The following TANK variants were observed in gnomAD, a reference collection of about 807,000 sequenced individuals.
The protein encoded by TANK is TRAF family member associated NFKB activator, also known as TRAF family member-associated NF-kappa-B activator.
In TANK, 15 loss-of-function variants were observed where a neutral mutation model predicts 43.6. The observed-to-expected ratio is 0.34, with a 90% CI of 0.23 to 0.53. The LOEUF is 0.53. Ranked by LOEUF, TANK falls within the 20% of genes least tolerant of loss-of-function variation. The probability of loss-of-function intolerance (pLI) is 0.94; values close to 1 mark genes in which losing one functional copy is unlikely to be tolerated. For missense variants in TANK, 417 were observed against 498.6 expected (o/e 0.84, Z 1.56); for synonymous variants, 162 against 178.2 (o/e 0.91, Z 0.73).
chr2:161,212,711 T>C, intron 4 of TANK: 1 of 985,310 alleles, frequency 1.0e-6, no homozygotes, highest in Non-Finnish European at 1.2e-6. Flanking sequence ...AAACTTGTCT[T>C]CAAAGCACAC....
chr2:161,161,434 C>T (rs775007739), intron 1 of TANK: 2 of 1,550,414 alleles, frequency 1.3e-6, no homozygotes, highest in South Asian at 2.4e-5. Context: ...GCAAGCAGTG[C>T]ATTCTGTTAA....
At chr2:161,220,011 AG>A (rs1196119523) in intron 4 of TANK, among the ~76,000 whole-genome samples, 5 of 152,232 alleles carry the variant, frequency 3.3e-5, no homozygotes, top group African/African-American at 9.6e-5. Flanking sequence ...GATCCAAGTA[AG>A]GATTCTCGTT....
chr2:161,155,903 T>A (rs962262143), upstream of TANK: 1 of 331,670 alleles, frequency 3.0e-6, no homozygotes, highest in Non-Finnish European at 4.3e-6. Context: ...GTCTTAGTGA[T>A]CTTTCTATCC....
intron 2 of TANK, chr2:161,200,731 C>A: frequency 5.6e-6 from 1 of 179,770 alleles, no homozygotes; most frequent in Non-Finnish European, 1.1e-5. Context: ...GAAATATAAG[C>A]AAAAGCATTC....
At chr2:161,202,961 CTT>C (rs1389801194) in intron 2 of TANK, 2 of 405,044 alleles carry the variant, frequency 4.9e-6, no homozygotes, top group Non-Finnish European at 9.9e-6. Flanking sequence ...TTTCTTAAAA[CTT>C]AGTGGAGAAG....
intron 1 of TANK, chr2:161,163,632 A>G (rs1036621196): frequency 6.6e-6 from 1 of 152,190 alleles, no homozygotes; most frequent in African/African-American, 2.4e-5. Flanking sequence ...TAGCTTCCCA[A>G]TTTTGCCGGG....
At chr2:161,158,366 T>TA (rs1684279666), upstream of TANK, among the ~76,000 whole-genome samples, 1 of 152,346 alleles carries the variant, frequency 6.6e-6, no homozygotes, top group South Asian at 2.1e-4. Context: ...TGTGAATTCT[T>TA]AAAAAATCAT....
At chr2:161,178,678 GA>G (rs1393844399) in intron 1 of TANK, among the ~76,000 whole-genome samples, 1 of 152,070 alleles carries the variant, frequency 6.6e-6, no homozygotes, top group Non-Finnish European at 1.5e-5. Flanking sequence ...TATCTCAATT[GA>G]AAATGTGAAA....
chr2:161,149,719 T>C (rs966659152), intron 1 of TANK, among the ~76,000 whole-genome samples: 1 of 150,538 alleles, frequency 6.6e-6, no homozygotes. Context: ...AATGCCTTTT[T>C]GCGTCAGTGG....
upstream of TANK, among the ~76,000 whole-genome samples, chr2:161,156,542 C>G (rs754961820): frequency 5.3e-5 from 8 of 152,236 alleles, no homozygotes; most frequent in Non-Finnish European, 8.8e-5. Flanking sequence ...CTCTTTCAGA[C>G]AGCATAATCT....
At chr2:161,186,870 A>G (rs889765717) in intron 2 of TANK, among the ~76,000 whole-genome samples, 1 of 152,234 alleles carries the variant, frequency 6.6e-6, no homozygotes, top group African/African-American at 2.4e-5. Flanking sequence ...CTGAATAGAC[A>G]TTTCTCAAAA....
At chr2:161,228,082 A>G (rs1302567652) in intron 6 of TANK, among the ~76,000 whole-genome samples, 2 of 152,220 alleles carry the variant, frequency 1.3e-5, no homozygotes, top group African/African-American at 2.4e-5. Context: ...GTCTGGAGTT[A>G]GAAGGAAACA....
chr2:161,207,592 GCT>G, intron 4 of TANK: 5 of 985,238 alleles, frequency 5.1e-6, no homozygotes, highest in Non-Finnish European at 6.0e-6. Context: ...TTGAGAGTTG[GCT>G]GTGTGCTTAG....
Position 161,204,762 on chromosome 2 carries a change from T to C in TANK, c.296T>C (p.Ile99Thr), listed in dbSNP as rs748079058. The C allele has an allele frequency of 4.0e-5, 65 of 1,606,478 alleles. No homozygotes were observed. The East Asian group carries it at 1.3e-3, about 32-fold the overall frequency. ...LTLDQPQDKV[I>T]SGIAREKLPK... ...CTTGATCAGCCACAAGATAAAGTGA[T>C]TTCAGGAATAGCAAGAGAAAAACTA... Residue 99 changes from isoleucine to threonine, a missense_variant, in exon 4 of 8, where the codon ATT (isoleucine) becomes ACT (threonine). Transcript: ENST00000392749.
chr2:161,232,482 A>C (rs1687964978), intron 7 of TANK, among the ~76,000 whole-genome samples: 1 of 152,216 alleles, frequency 6.6e-6, no homozygotes. Flanking sequence ...GGCAGTTGTC[A>C]AGCTGTGGTA....
At chr2:161,178,030 G>A (rs1211399723) in intron 1 of TANK, among the ~76,000 whole-genome samples, 3 of 152,080 alleles carry the variant, frequency 2.0e-5, no homozygotes, top group Admixed American at 6.6e-5. Context: ...TATTGGTGTG[G>A]ATGTGGAGAA....
intron 2 of TANK, among the ~76,000 whole-genome samples, chr2:161,201,595 CTT>C (rs1376712768): frequency 1.3e-5 from 2 of 152,116 alleles, no homozygotes; most frequent in Non-Finnish European, 2.9e-5. Flanking sequence ...TTGTGAAGAA[CTT>C]TGAGTTCTTG....
At chr2:161,212,090 T>G (rs1416177573) in intron 4 of TANK, 1 of 654,064 alleles carries the variant, frequency 1.5e-6, no homozygotes, top group African/African-American at 2.1e-5. Flanking sequence ...AGACAGGGTC[T>G]CATTCTGTCA....
chr2:161,206,978 A>G (rs2105350907), intron 4 of TANK, among the ~76,000 whole-genome samples: 1 of 152,262 alleles, frequency 6.6e-6, no homozygotes, highest in South Asian at 2.1e-4. Flanking sequence ...GGTTAGAACA[A>G]AAGGGATGAT....
Sources: allele counts gnomAD v4.1 joint callset (sites outside exome capture counted in the v4.1 genomes callset), GRCh38; gene constraint gnomAD v4.1.1; transcripts MANE v1.5; gene names NCBI Gene and HGNC (gene_info 2026-07-23, HGNC 2026-07-21).